The following KLHL29 variants were observed in gnomAD, a reference collection of about 807,000 sequenced individuals.
The protein encoded by KLHL29 is kelch like family member 29, also known as kelch-like protein 29.
Under a neutral mutation model 80.4 loss-of-function variants are expected in KLHL29, and 21 were observed. The observed-to-expected ratio is 0.26, with a 90% CI of 0.19 to 0.38. The LOEUF is 0.38. KLHL29 is among the 10% of genes least tolerant of loss of function. The pLI is 1.00. For synonymous variants in KLHL29, 511 were observed against 526.8 expected (o/e 0.97, Z 0.41); for missense variants, 867 against 1,223.9 (o/e 0.71, Z 4.35).
chr2:23,583,216 C>G (rs4665230), intron 3 of KLHL29, among the ~76,000 whole-genome samples: 4 of 151,990 alleles, frequency 2.6e-5, no homozygotes, highest in African/African-American at 7.2e-5. Flanking sequence ...ACTGTGTGGT[C>G]GTTTGTTGCC....
chr2:23,470,169 C>T lies in KLHL29; in HGVS notation c.-153-5391C>T, dbSNP rs72848036. Among the ~76,000 whole-genome samples, 705 of 152,308 alleles carry T rather than the reference C, an allele frequency of 4.6e-3. 4 individuals are homozygous for T. The highest frequency in any genetic ancestry group is 0.016 in the African/African-American group (660 of 41,562). On this transcript the variant is annotated intron_variant, in intron 1 of 13. Transcript: ENST00000486442. The stretch of plus-strand genomic sequence containing the variant: ...TTTCTTTATCTTCCCATTCTCCTCG[C>T]CCCAAACCATCCAAGGCAACTAGGA...
chr2:23,571,177 G>C (rs1667708864), intron 3 of KLHL29, among the ~76,000 whole-genome samples: 1 of 152,252 alleles, frequency 6.6e-6, no homozygotes, highest in Admixed American at 6.5e-5. Flanking sequence ...TGGCGAACAT[G>C]ACCCAGATTC....
At chr2:23,576,065 G>C (rs1274501222) in intron 3 of KLHL29, among the ~76,000 whole-genome samples, 3 of 152,222 alleles carry the variant, frequency 2.0e-5, no homozygotes, top group Admixed American at 2.0e-4. Context: ...AACACCTTGG[G>C]AGGCCGAGGC....
At position 23,693,438 on chromosome 2, in the gene KLHL29, C is replaced by CGT; in HGVS notation, c.1452_1453insGT (p.Ser485ValfsTer59). 1 of 1,551,740 alleles carries CGT rather than the reference C, an allele frequency of 6.4e-7. No homozygotes were observed. The highest frequency in any genetic ancestry group is 8.7e-7 in the Non-Finnish European group (1 of 1,146,978). On this transcript the variant is annotated frameshift_variant, in exon 8 of 14. Transcript: ENST00000486442. LOFTEE classifies it high-confidence loss of function. ...CCAAGGACGACTTCATCGCCTACGT[C>CGT]TCCAACGACAGCCTCAACACCAAGG...
chr2:23,446,447 A>C (rs1013943613), intron 1 of KLHL29, among the ~76,000 whole-genome samples: 4 of 152,052 alleles, frequency 2.6e-5, no homozygotes, highest in Non-Finnish European at 4.4e-5. Flanking sequence ...GAGCCAGCCC[A>C]CCCCAAGATG....
chr2:23,532,157 T>C (rs1483989350), intron 2 of KLHL29, among the ~76,000 whole-genome samples: 1 of 152,228 alleles, frequency 6.6e-6, no homozygotes, highest in Non-Finnish European at 1.5e-5. Flanking sequence ...TCCAAAGAGT[T>C]AACCTTTCCT....
chr2:23,478,413 CTG>C (rs1056929255), intron 2 of KLHL29, among the ~76,000 whole-genome samples: 1 of 152,130 alleles, frequency 6.6e-6, no homozygotes, highest in Non-Finnish European at 1.5e-5. Context: ...ACTGTGGAAA[CTG>C]GGCCAGCTCA....
chr2:23,588,869 G>A (rs992192367), intron 3 of KLHL29, among the ~76,000 whole-genome samples: 8 of 152,162 alleles, frequency 5.3e-5, no homozygotes, highest in Non-Finnish European at 1.0e-4. Flanking sequence ...GGTTAAGCCT[G>A]CCGAGAGAGA....
At position 23,595,573 on chromosome 2, in the gene KLHL29, G is replaced by C. The variant is rs1323349577; in HGVS notation, c.285+33092G>C. On this transcript the variant is annotated intron_variant, in intron 3 of 13. Transcript: ENST00000486442. ...AGTAGAAGGATGAGAGATGGACGCA[G>C]AGAAGGAGTGGGCAGGAAGGGTGGC... Among the ~76,000 whole-genome samples the C allele has an allele frequency of 2.0e-5, 3 of 152,358 alleles. No homozygotes were observed. In the East Asian group the frequency reaches 5.8e-4, roughly 29 times the overall value.
At chr2:23,661,495 G>A (rs1035825513) in intron 5 of KLHL29, among the ~76,000 whole-genome samples, 4 of 152,238 alleles carry the variant, frequency 2.6e-5, no homozygotes, top group Middle Eastern at 3.2e-3. Flanking sequence ...TCGTCACAGG[G>A]CCAGGCCCCT....
chr2:23,415,236 C>T (rs1666955626), intron 1 of KLHL29, among the ~76,000 whole-genome samples: 1 of 152,186 alleles, frequency 6.6e-6, no homozygotes, highest in South Asian at 2.1e-4. Flanking sequence ...CCATTTTCAG[C>T]TTCTATAATG....
At chr2:23,541,779 A>AC (rs1666843206) in intron 2 of KLHL29, among the ~76,000 whole-genome samples, 1 of 151,958 alleles carries the variant, frequency 6.6e-6, no homozygotes, top group African/African-American at 2.4e-5. Context: ...AAACAAAAAA[A>AC]AAAAAACCAT....
At chr2:23,597,309 A>ATGTGTGTGTGTGTGTGTGTGTGTGTGTG (rs1217422868) in intron 3 of KLHL29, among the ~76,000 whole-genome samples, 3 of 100,518 alleles carry the variant, frequency 3.0e-5, no homozygotes, top group African/African-American at 1.2e-4. Flanking sequence ...ATATATATAT[A>ATGTGTGTGTGTGTGTGTGTGTGTGTGTG]TGTGTGTGTG....
chr2:23,450,557 C>T (rs1326126230), intron 1 of KLHL29, among the ~76,000 whole-genome samples: 1 of 151,566 alleles, frequency 6.6e-6, no homozygotes, highest in African/African-American at 2.4e-5. Context: ...TTGGCAGCTT[C>T]GATATTGAAA....
At chr2:23,623,401 C>T (rs1023566542) in intron 3 of KLHL29, among the ~76,000 whole-genome samples, 11 of 152,194 alleles carry the variant, frequency 7.2e-5, no homozygotes, top group African/African-American at 2.2e-4. Flanking sequence ...GTAGGGGGAG[C>T]GAGCTCTGTT....
chr2:23,395,281 C>T (rs1368573586), intron 1 of KLHL29, among the ~76,000 whole-genome samples: 1 of 152,112 alleles, frequency 6.6e-6, no homozygotes, highest in East Asian at 1.9e-4. Context: ...CCCATGGGTC[C>T]ACTGGGTTCT....
chr2:23,684,656 G>A lies in KLHL29; in HGVS notation c.1079+119G>A. The A allele has an allele frequency of 1.2e-6, 1 of 831,854 alleles. No homozygotes were observed. Among genetic ancestry groups the A allele is most frequent in the Admixed American group, 4.1e-5 (1 of 24,304 alleles). The allele number at this position is 831,854 out of a possible 1,614,324, so 51.5% of individuals were successfully genotyped here. On this transcript the variant is annotated intron_variant, in intron 6 of 13. Transcript: ENST00000486442. This position sits in a 1 kb window ranked among gnomAD's most constrained non-coding sequence, Gnocchi z 4.4. ...GTGACTCCCTGTCACAGAGCCAGTAGCCATCTCTCCTCCTCCTCCTCCTCC... is the reference window on the plus strand; with the variant it reads ...GTGACTCCCTGTCACAGAGCCAGTAACCATCTCTCCTCCTCCTCCTCCTCC...
intron 2 of KLHL29, among the ~76,000 whole-genome samples, chr2:23,535,713 A>G (rs957564175): frequency 6.6e-6 from 1 of 152,200 alleles, no homozygotes; most frequent in Non-Finnish European, 1.5e-5. Context: ...GCAAATTCAT[A>G]GAGACGGAAA....
intron 1 of KLHL29, among the ~76,000 whole-genome samples, chr2:23,453,952 T>C (rs1477153847): frequency 1.3e-5 from 2 of 152,178 alleles, no homozygotes; most frequent in African/African-American, 4.8e-5. Flanking sequence ...CAGGGGATTT[T>C]ACAGCGTTTG....
Sources: gnomAD v4.1 joint callset for allele counts (sites outside exome capture counted in the v4.1 genomes callset) on GRCh38, gnomAD v4.1.1 for gene constraint, Gnocchi (gnomAD v3.1) non-coding constraint, MANE v1.5 for transcripts, NCBI Gene and HGNC (gene_info 2026-07-23, HGNC 2026-07-21) for gene names.